Variants in RANBP2 observed in about 807,000 individuals in gnomAD.
The protein encoded by RANBP2 is RAN binding protein 2.
RANBP2 carries 57 observed loss-of-function variants against 303.6 expected under a neutral mutation model. The observed-to-expected ratio is 0.19, with a 90% CI of 0.15 to 0.23. The LOEUF is 0.23. Among genes scored for constraint, RANBP2 ranks in the 10% least tolerant of loss-of-function variants. RANBP2 has a pLI of 1.00. For synonymous variants in RANBP2, 1,167 were observed against 1,301.5 expected (o/e 0.90, Z 2.23); for missense variants, 3,138 against 3,780.8 (o/e 0.83, Z 4.46).
At chr2:109,002,133 C>T in the RANBP2 span, among the ~76,000 whole-genome samples, 1 of 152,200 alleles carries the variant, frequency 6.6e-6, no homozygotes, top group Non-Finnish European at 1.5e-5. Flanking sequence ...GCACTGCACC[C>T]TTGCTGTCCC....
the RANBP2 span, among the ~76,000 whole-genome samples, chr2:109,428,128 A>G: frequency 3.3e-5 from 5 of 152,214 alleles, no homozygotes; most frequent in Non-Finnish European, 7.3e-5. Flanking sequence ...GTGAGGAGGA[A>G]GCACACGCCT....
chr2:108,929,237 T>C, the RANBP2 span: 4 of 1,614,126 alleles, frequency 2.5e-6, no homozygotes, highest in Non-Finnish European at 1.7e-6. Context: ...ATTCTCCATG[T>C]CCCCTGGTGT....
chr2:108,857,066 CTTTTTTTTTTTTTTTTTT>C, the RANBP2 span: 5 of 42,060 alleles, frequency 1.2e-4, no homozygotes, highest in South Asian at 4.8e-4. Flanking sequence ...GATACTATTG[CTTTTTTTTTTTTTTTTTT>C]TTTTTTTTTT....
chr2:108,891,032 A>C, the RANBP2 span, among the ~76,000 whole-genome samples: 19 of 152,188 alleles, frequency 1.2e-4, no homozygotes, highest in African/African-American at 4.1e-4. Context: ...AAAAAAATCT[A>C]TCTCTTTGAT....
chr2:109,255,155 C>T, the RANBP2 span, among the ~76,000 whole-genome samples: 12 of 152,140 alleles, frequency 7.9e-5, no homozygotes, highest in Middle Eastern at 3.4e-3. Context: ...TACATGTGCA[C>T]GTGTGCAACT....
chr2:109,734,880 T>C, the RANBP2 span, among the ~76,000 whole-genome samples: 1 of 152,170 alleles, frequency 6.6e-6, no homozygotes, highest in Non-Finnish European at 1.5e-5. Flanking sequence ...TTTTTAATTG[T>C]CACATAATGA....
chr2:109,065,447 C>T, the RANBP2 span, among the ~76,000 whole-genome samples: 1 of 152,148 alleles, frequency 6.6e-6, no homozygotes, highest in Non-Finnish European at 1.5e-5. Context: ...GGCGTCACTC[C>T]CAACCCCGCA....
At chr2:108,744,352 T>C (rs1021865755) in intron 7 of RANBP2, among the ~76,000 whole-genome samples, 6 of 151,494 alleles carry the variant, frequency 4.0e-5, no homozygotes, top group East Asian at 1.9e-4. Context: ...TGCAGTGAGC[T>C]GAAATCGTGC....
the RANBP2 span, among the ~76,000 whole-genome samples, chr2:109,055,909 C>A: frequency 0.91 from 137,512 of 151,580 alleles, 62,704 homozygotes; most frequent in East Asian, 0.95. Flanking sequence ...ACAGGTACCC[C>A]CCAGCACGCC....
In RANBP2 at chr2:108,765,559, T is replaced by C. The variant is rs1180742615; in HGVS notation, c.5020T>C (p.Cys1674Arg). The C allele has an allele frequency of 2.6e-6, 4 of 1,535,256 alleles. No homozygotes were observed. The highest frequency in any genetic ancestry group is 3.5e-6 in the Non-Finnish European group (4 of 1,144,572). The change falls in exon 20 of 29, where the codon TGC (cysteine) becomes CGC (arginine). Residue 1674 changes from cysteine to arginine, a missense_variant. Transcript: ENST00000283195. ...GGAGGGACAGTGGGATTGCAGTGTG[T>C]GCTTAGTAAGAAATGAAGCCAGTGC... ...KKEGQWDCSV[C>R]LVRNEASATK...
At chr2:109,396,995 G>T in the RANBP2 span, among the ~76,000 whole-genome samples, 72 of 152,310 alleles carry the variant, frequency 4.7e-4, no homozygotes, top group African/African-American at 1.6e-3. Context: ...GAAGGCTTCA[G>T]AATGCCCCCC....
the RANBP2 span, among the ~76,000 whole-genome samples, chr2:109,527,707 C>G: frequency 1.3e-5 from 2 of 152,200 alleles, no homozygotes; most frequent in East Asian, 3.9e-4. Flanking sequence ...AATTTTGCAA[C>G]TGTTTTGTAG....
At chr2:109,429,657 C>A in the RANBP2 span, among the ~76,000 whole-genome samples, 1 of 152,274 alleles carries the variant, frequency 6.6e-6, no homozygotes, top group Admixed American at 6.5e-5. Flanking sequence ...TGCCCCAGGC[C>A]GCGCTGACAG....
chr2:109,325,811 G>A, the RANBP2 span, among the ~76,000 whole-genome samples: 14 of 152,302 alleles, frequency 9.2e-5, no homozygotes, highest in East Asian at 3.9e-4. Flanking sequence ...TTACTGCAGG[G>A]CAAAGATGCT....
At chr2:108,906,005 TG>T in the RANBP2 span, among the ~76,000 whole-genome samples, 2 of 152,162 alleles carry the variant, frequency 1.3e-5, no homozygotes, top group Non-Finnish European at 2.9e-5. Context: ...ACGGGAGGTC[TG>T]AGGCTCCGTG....
the RANBP2 span, among the ~76,000 whole-genome samples, chr2:109,260,541 G>A: frequency 6.6e-6 from 1 of 152,200 alleles, no homozygotes. Context: ...TGTAGCGTGG[G>A]CACAGGGACA....
At chr2:109,536,730 G>C in the RANBP2 span, among the ~76,000 whole-genome samples, 3 of 152,166 alleles carry the variant, frequency 2.0e-5, no homozygotes, top group Admixed American at 6.6e-5. Context: ...TGTCCCCACT[G>C]GAAGCTCATC....
the RANBP2 span, among the ~76,000 whole-genome samples, chr2:109,641,707 T>A: frequency 6.6e-6 from 1 of 152,114 alleles, no homozygotes; most frequent in African/African-American, 2.4e-5. Context: ...GGCTGATGTA[T>A]CTCTTGAATC....
the RANBP2 span, among the ~76,000 whole-genome samples, chr2:109,168,158 G>A: frequency 6.6e-6 from 1 of 152,192 alleles, no homozygotes; most frequent in African/African-American, 2.4e-5. Flanking sequence ...CTTTCAGGAA[G>A]CCAAAACAGC....
Sources: gnomAD v4.1 joint callset for allele counts (sites outside exome capture counted in the v4.1 genomes callset) on GRCh38, gnomAD v4.1.1 for gene constraint, MANE v1.5 for transcripts, NCBI Gene and HGNC (gene_info 2026-07-23, HGNC 2026-07-21) for gene names.